The following QSOX2 variants were observed in gnomAD, a reference collection of about 807,000 sequenced individuals.
QSOX2 encodes the protein quiescin sulfhydryl oxidase 2.
In QSOX2, 46 loss-of-function variants were observed where a neutral mutation model predicts 61.7. The ratio of observed to expected loss-of-function variants is 0.75; its 90% CI spans 0.59 to 0.95. The LOEUF is 0.95. Among genes scored for constraint, QSOX2 ranks in the 40% least tolerant of loss-of-function variants. The pLI is 0.00. For synonymous variants in QSOX2, 383 were observed against 388.4 expected, an observed-to-expected ratio of 0.99 and a Z score of 0.16; for missense variants, 879 against 918.9, an observed-to-expected ratio of 0.96 and a Z score of 0.56.
In QSOX2 at chr9:136,216,540, AAGGGAAGGAAGGCG is replaced by A. The variant is rs939955669; in HGVS notation, c.1209+46_1209+59del. 1.1e-5 allele frequency: 17 copies of A among 1,597,188 alleles called. No individual in the cohort carries two copies. In the African/African-American group the frequency reaches 2.1e-4, roughly 20 times the overall value. On this transcript the variant is annotated intron_variant, in intron 9 of 11. Transcript: ENST00000358701. Reference sequence around the variant, plus strand: ...GCAGGGAGATGCACCAGCTAAGGGCAAGGGAAGGAAGGCGAGGGAAGGAGGGTGCAGCGTGGCTG... The same window carrying A: ...GCAGGGAGATGCACCAGCTAAGGGCAAGGGAAGGAGGGTGCAGCGTGGCTG...
rs969927177 is a variant in QSOX2 at position 136,226,783 on chromosome 9, G to A, written c.420C>T (p.Pro140=). The A allele has an allele frequency of 2.5e-6, 4 of 1,613,400 alleles. No homozygotes were observed. The highest frequency in any genetic ancestry group is 2.2e-5 in the East Asian group (1 of 44,884). ...VCHDYDIHFY[P]TFRYFKAFTK... ...GCCGCGTGATACTCACCCGGAAGGT[G>A]GGGTAGAAGTGGATGTCGTAGTCAT... The change falls in exon 2 of 12, where the codon CCC becomes CCT. Residue 140 remains proline (P), a synonymous_variant. Transcript: ENST00000358701.
At chr9:136,210,327 G>C (rs1831830041) in intron 11 of QSOX2, 2 of 985,366 alleles carry the variant, frequency 2.0e-6, no homozygotes, top group South Asian at 4.7e-5. Context: ...CAATCACACT[G>C]GGCTGTAAGG....
intron 1 of QSOX2, 56 bp from the exon 2 acceptor site, chr9:136,226,930 C>G: frequency 6.8e-7 from 1 of 1,468,424 alleles, no homozygotes; most frequent in Non-Finnish European, 9.5e-7. Context: ...CCGGGAAGCC[C>G]AGGACCCAGC....
intron 11 of QSOX2, chr9:136,210,209 GCCAGCCC>G (rs996595664): frequency 7.3e-5 from 72 of 985,350 alleles, no homozygotes; most frequent in Non-Finnish European, 8.2e-5. Flanking sequence ...CAAATAAGGC[GCCAGCCC>G]TGGGCAGAAG....
chr9:136,238,533 C>T (rs950253687), intron 1 of QSOX2, among the ~76,000 whole-genome samples: 7 of 152,230 alleles, frequency 4.6e-5, no homozygotes. Flanking sequence ...TCATTCCCGC[C>T]TCGCAATCCA....
At chr9:136,245,436 C>T in intron 1 of QSOX2, 40 bp downstream of exon 1, 1 of 1,537,332 alleles carries the variant, frequency 6.5e-7, no homozygotes, top group Non-Finnish European at 8.7e-7. Flanking sequence ...AGGCCGCGGT[C>T]CCGGGGGTCG....
chr9:136,229,684 G>A (rs1413616772), intron 1 of QSOX2, among the ~76,000 whole-genome samples: 7 of 152,212 alleles, frequency 4.6e-5, no homozygotes, highest in African/African-American at 1.7e-4. Flanking sequence ...ATGTTTGCCA[G>A]GATTTGGTTT....
Position 136,208,628 on chromosome 9 carries a change from T to C in QSOX2, c.*100A>G. ...CATCCGATGTGAAACCAGGCCCGCA[T>C]GTTTATAAAATCCCTGATCATAAAT... On this transcript the variant is annotated 3_prime_UTR_variant, in exon 12 of 12. Coordinates refer to ENST00000358701, the MANE Select transcript of QSOX2 (RefSeq NM_181701.4). 2 of 1,391,586 alleles carry C rather than the reference T, an allele frequency of 1.4e-6. No homozygotes were observed. The highest frequency in any genetic ancestry group is 2.4e-5 in the East Asian group (1 of 41,244). 86.2% of individuals were successfully genotyped at this position (1,391,586 alleles called of 1,614,324 possible). A position where few individuals can be genotyped will look rare whatever the true frequency, so the allele number is the denominator to read the frequency against.
At chr9:136,230,293 T>G (rs1203767108) in intron 1 of QSOX2, among the ~76,000 whole-genome samples, 3 of 152,054 alleles carry the variant, frequency 2.0e-5, no homozygotes, top group Non-Finnish European at 2.9e-5. Context: ...ACCCTAAAAT[T>G]AAATAATTCT....
At chr9:136,227,196 C>A (rs12347885) in intron 1 of QSOX2, among the ~76,000 whole-genome samples, 21,061 of 152,178 alleles carry the variant, frequency 0.14, 2,687 homozygotes, top group African/African-American at 0.34. Flanking sequence ...TGGTAACAGA[C>A]GCGGCTGTCA....
intron 1 of QSOX2, among the ~76,000 whole-genome samples, chr9:136,241,299 G>A (rs568775932): frequency 6.6e-6 from 1 of 152,186 alleles, no homozygotes; most frequent in African/African-American, 2.4e-5. Flanking sequence ...CAGCTCTCAC[G>A]GGCCGTCAGC....
intron 1 of QSOX2, among the ~76,000 whole-genome samples, chr9:136,227,838 C>T (rs1206203559): frequency 6.6e-6 from 1 of 151,936 alleles, no homozygotes; most frequent in Non-Finnish European, 1.5e-5. Flanking sequence ...ATTAGCTGGG[C>T]GTTGGTGGCG....
Position 136,219,138 on chromosome 9 carries a change from G to A in QSOX2, c.848C>T (p.Ser283Leu), listed in dbSNP as rs546723008. ...ATCCGGCAATGACTTCAAATAAGAC[G>A]AAAAGAAGGCCCGCAGAGGCTTCAC... is the stretch of plus-strand genomic sequence containing the variant. The part of the protein sequence containing the change: ...NVVKPLRAFF[S>L]SYLKSLPDVR... The change falls in exon 7 of 12, where the codon TCG (serine) becomes TTG (leucine). Residue 283 changes from serine to leucine, a missense_variant. Transcript: ENST00000358701. 16 of 1,613,966 alleles carry A rather than the reference G, an allele frequency of 9.9e-6. No individual in the cohort carries two copies. The highest frequency in any genetic ancestry group is 1.6e-4 in the Middle Eastern group (1 of 6,062).
In QSOX2 at chr9:136,223,679, C is replaced by T. The variant is rs139290732; in HGVS notation, c.675+84G>A. 1.2e-5 allele frequency: 12 copies of T among 1,027,512 alleles called. No individual in the cohort carries two copies. Among genetic ancestry groups the T allele is most frequent in the East Asian group, 4.8e-5 (2 of 41,502 alleles). The allele number at this position is 1,027,512 out of a possible 1,614,324, so 63.6% of individuals were successfully genotyped here. On this transcript the variant is annotated intron_variant, in intron 5 of 11. Coordinates refer to ENST00000358701, the MANE Select transcript of QSOX2 (RefSeq NM_181701.4). This position sits in a 1 kb window ranked among gnomAD's most constrained non-coding sequence, Gnocchi z 4.4. ...GGACACGAGATGCCGACACAGTGAC[C>T]GGCACCTGCAAATCTCATCACAGAT...
chr9:136,237,467 GCGACACC>G (rs1830396117), intron 1 of QSOX2, among the ~76,000 whole-genome samples: 10 of 103,906 alleles, frequency 9.6e-5, no homozygotes, highest in African/African-American at 2.7e-4. Context: ...TCCTGTGCCG[GCGACACC>G]TGGAGCCCGT....
chr9:136,241,645 G>GT (rs905060459), intron 1 of QSOX2, among the ~76,000 whole-genome samples: 25 of 152,314 alleles, frequency 1.6e-4, no homozygotes, highest in African/African-American at 6.0e-4. Flanking sequence ...CTGCGTGACC[G>GT]TGACTATCCC....
Position 136,208,961 on chromosome 9 carries a change from G to C in QSOX2, c.1864C>G (p.Pro622Ala). 2 of 1,613,706 alleles carry C rather than the reference G, an allele frequency of 1.2e-6. No individual in the cohort carries two copies. The highest frequency in any genetic ancestry group is 1.7e-6 in the Non-Finnish European group (2 of 1,179,772). ...PGALGPRPALPESLHHSLDGK... is the reference protein window; with the variant it reads ...PGALGPRPALAESLHHSLDGK... ...TCCAAGCTGTGATGCAAGCTCTCTG[G>C]AAGGGCAGGCCTGGGGCCCAGTGCA... The change falls in exon 12 of 12, where the codon CCA (proline) becomes GCA (alanine). Residue 622 changes from proline (P) to alanine (A), a missense_variant. Transcript: ENST00000358701.
At chr9:136,227,261 C>T (rs751118570) in intron 1 of QSOX2, among the ~76,000 whole-genome samples, 6 of 152,178 alleles carry the variant, frequency 3.9e-5, no homozygotes, top group Non-Finnish European at 5.9e-5. Flanking sequence ...TAATCAGATA[C>T]GGTCCAGGCT....
intron 9 of QSOX2, among the ~76,000 whole-genome samples, chr9:136,215,662 G>T (rs1489338452): frequency 6.6e-6 from 1 of 152,156 alleles, no homozygotes. Context: ...ACTAACAACA[G>T]AAAAAAGCTC....
Sources: gnomAD v4.1 joint callset for allele counts (sites outside exome capture counted in the v4.1 genomes callset) on GRCh38, gnomAD v4.1.1 for gene constraint, Gnocchi (gnomAD v3.1) non-coding constraint, MANE v1.5 for transcripts, NCBI Gene and HGNC (gene_info 2026-07-23, HGNC 2026-07-21) for gene names.